EYA1: variants seen among roughly 807,000 people sequenced by gnomAD.
EYA1 encodes EYA transcriptional coactivator and phosphatase 1.
A neutral mutation model predicts 82.0 loss-of-function variants in EYA1; 16 were observed. The ratio of observed to expected loss-of-function variants is 0.20; its 90% CI spans 0.13 to 0.30. The LOEUF (loss-of-function observed/expected upper bound fraction) is 0.30. EYA1 is among the 10% of genes least tolerant of loss of function. The probability of loss-of-function intolerance (pLI) is 1.00; values close to 1 mark genes in which losing one functional copy is unlikely to be tolerated. For synonymous variants in EYA1, 261 were observed against 264.4 expected (o/e 0.99, Z 0.12); for missense variants, 633 against 730.7 (o/e 0.87, Z 1.54).
At chr8:71,531,982 A>G (rs1233318018) in intron 2 of EYA1, among the ~76,000 whole-genome samples, 2 of 152,220 alleles carry the variant, frequency 1.3e-5, no homozygotes, top group African/African-American at 2.4e-5. Context: ...GGTCATGTCT[A>G]CATAGGATCA....
chr8:71,506,098 T>C (rs1227527296), intron 2 of EYA1, among the ~76,000 whole-genome samples: 1 of 152,176 alleles, frequency 6.6e-6, no homozygotes, highest in Non-Finnish European at 1.5e-5. Flanking sequence ...TAAGCTTCTT[T>C]CCTTTATAAA....
At chr8:71,305,900 T>A (rs1431947828) in intron 7 of EYA1, among the ~76,000 whole-genome samples, 1 of 152,126 alleles carries the variant, frequency 6.6e-6, no homozygotes, top group Non-Finnish European at 1.5e-5. Context: ...ACACACAGCT[T>A]TTCAAGTTAG....
At chr8:71,483,391 G>C (rs1810320893) in intron 2 of EYA1, among the ~76,000 whole-genome samples, 1 of 152,130 alleles carries the variant, frequency 6.6e-6, no homozygotes, top group African/African-American at 2.4e-5. Flanking sequence ...GTGTGTGTTT[G>C]ATTGAAACCA....
At chr8:71,322,975 C>T (rs1422279738) in intron 4 of EYA1, among the ~76,000 whole-genome samples, 1 of 152,032 alleles carries the variant, frequency 6.6e-6, no homozygotes, top group Non-Finnish European at 1.5e-5. Context: ...AGCATTCAAG[C>T]AGAACTTTAC....
In EYA1 at chr8:71,425,691, A is replaced by AGT. The variant is rs533452636; in HGVS notation, c.34-69182_34-69181dup. ...AAAGTGAGTTCTCCCTTGAATCCTT[A>AGT]GTGTGTGTGTGTGTGTAGGTGAATG... is the stretch of plus-strand genomic sequence containing the variant. On this transcript the variant is annotated intron_variant, in intron 2 of 18. Transcript: ENST00000643681. Among the ~76,000 whole-genome samples the AGT allele has an allele frequency of 5.6e-3, 852 of 151,326 alleles. 3 individuals carry two copies. The highest frequency in any genetic ancestry group is 0.013 in the South Asian group (62 of 4,780).
chr8:71,216,755 T>G lies in EYA1; in HGVS notation c.1297A>C (p.Lys433Gln). ...GVRGGVDWMR[K>Q]LAFRYRRVKE... ...ACCCGTCTGTAGCGGAAGGCCAACT[T>G]TCTCATCCAGTCCACACCGCCCCGT... The change falls in exon 14 of 18, where the codon AAG becomes CAG. Residue 433 changes from lysine to glutamine, a missense_variant. Transcript: ENST00000340726. The G allele has an allele frequency of 6.2e-7, 1 of 1,614,134 alleles. No individual in the cohort carries two copies.
chr8:71,211,959 GA>G (rs1808571642), intron 16 of EYA1, among the ~76,000 whole-genome samples: 1 of 152,158 alleles, frequency 6.6e-6, no homozygotes, highest in African/African-American at 2.4e-5. Flanking sequence ...AAAGGTAATA[GA>G]ATACCCTTAT....
At position 71,349,877 on chromosome 8, in the gene EYA1, G is replaced by A. The variant is rs537794623; in HGVS notation, c.124+4905C>T. On this transcript the variant is annotated intron_variant, in intron 3 of 17. Transcript: ENST00000340726. ...ATGGTCATCACAGTGACTAATAATA[G>A]GTTATTCATAAGTATTAGCCAGCAT... 2.6e-5 allele frequency among the ~76,000 whole-genome samples: 4 copies of A among 152,182 alleles called. 1 individual carries two copies. The East Asian group carries it at 5.8e-4, about 22-fold the overall frequency.
At chr8:71,451,974 C>T (rs552193189) in intron 2 of EYA1, among the ~76,000 whole-genome samples, 16 of 152,286 alleles carry the variant, frequency 1.1e-4, no homozygotes, top group African/African-American at 2.9e-4. Context: ...GGTGAGGCAT[C>T]GCCTCACCTG....
At chr8:71,338,908 G>A (rs1049420081) in intron 3 of EYA1, among the ~76,000 whole-genome samples, 5 of 152,102 alleles carry the variant, frequency 3.3e-5, no homozygotes, top group Non-Finnish European at 5.9e-5. Flanking sequence ...GTCTTTGCTT[G>A]GCACAAACTC....
intron 9 of EYA1, among the ~76,000 whole-genome samples, chr8:71,272,871 T>C (rs1351797702): frequency 3.1e-5 from 4 of 127,416 alleles, no homozygotes; most frequent in African/African-American, 5.2e-5. Flanking sequence ...AGATGAGGAA[T>C]GATTATTTTC....
intron 12 of EYA1, among the ~76,000 whole-genome samples, chr8:71,233,297 G>T (rs954627041): frequency 1.3e-5 from 2 of 152,148 alleles, no homozygotes; most frequent in Admixed American, 6.5e-5. Context: ...GGGTGCGGTG[G>T]CTCATGCCTG....
At position 71,215,607 on chromosome 8, in the gene EYA1, G is replaced by T. The variant is rs1490589597; in HGVS notation, c.1475+7C>A. On this transcript the variant is annotated splice_region_variant and intron_variant, in intron 15 of 17. Coordinates refer to ENST00000340726, the MANE Select transcript of EYA1 (RefSeq NM_000503.6). The stretch of plus-strand genomic sequence containing the variant: ...TTTCCTGGCAAAGACCCCGCAGAGA[G>T]CCTCACCGGGAGTGAATGAGCGAGA... 6.2e-7 allele frequency: 1 copy of T among 1,610,512 alleles called. No individual in the cohort carries two copies. Among genetic ancestry groups the T allele is most frequent in the South Asian group, 1.1e-5 (1 of 91,010 alleles).
chr8:71,475,019 C>T (rs1298557346), intron 2 of EYA1, among the ~76,000 whole-genome samples: 1 of 152,166 alleles, frequency 6.6e-6, no homozygotes, highest in Non-Finnish European at 1.5e-5. Context: ...GTAATCTCAG[C>T]TACTTGGGAG....
rs1459860217 is a variant in EYA1 at position 71,288,048 on chromosome 8, ACTCCAGT to A, written c.826+10992_826+10998del. On this transcript the variant is annotated intron_variant, in intron 9 of 17. Transcript: ENST00000340726. ...GCCCAACTCCAAATCCCTAGCCACC[ACTCCAGT>A]TTTTCCTAATTGTATTCAAAGGGAG... Among the ~76,000 whole-genome samples, 7 of 151,946 alleles carry A rather than the reference ACTCCAGT, an allele frequency of 4.6e-5. No individual in the cohort carries two copies. In the East Asian group the frequency reaches 1.4e-3, roughly 29 times the overall value.
At chr8:71,200,505 A>G (rs1239011821) in intron 17 of EYA1, among the ~76,000 whole-genome samples, 1 of 152,226 alleles carries the variant, frequency 6.6e-6, no homozygotes, top group Non-Finnish European at 1.5e-5. Flanking sequence ...ATCACATACC[A>G]CATTCCAATA....
intron 2 of EYA1, among the ~76,000 whole-genome samples, chr8:71,481,539 G>A (rs1022264311): frequency 2.6e-5 from 4 of 152,076 alleles, no homozygotes; most frequent in African/African-American, 4.8e-5. Context: ...ACTGCACGCC[G>A]GGACTATGCA....
At chr8:71,408,453 T>C (rs1419267248) in intron 2 of EYA1, among the ~76,000 whole-genome samples, 2 of 112,778 alleles carry the variant, frequency 1.8e-5, no homozygotes, top group Non-Finnish European at 3.7e-5. Context: ...TGAAGACCCA[T>C]CAGTGTGCTG....
At chr8:71,392,713 T>A (rs897072268) in intron 2 of EYA1, among the ~76,000 whole-genome samples, 1 of 152,186 alleles carries the variant, frequency 6.6e-6, no homozygotes, top group Non-Finnish European at 1.5e-5. Flanking sequence ...TTGTTCATAC[T>A]TGCCAGAAAA....
Sources: allele counts gnomAD v4.1 joint callset (sites outside exome capture counted in the v4.1 genomes callset), GRCh38; gene constraint gnomAD v4.1.1; transcripts MANE v1.5; gene names NCBI Gene and HGNC (gene_info 2026-07-23, HGNC 2026-07-21).